The following KLF12 variants were observed in gnomAD, a reference collection of about 807,000 sequenced individuals.
The protein encoded by KLF12 is KLF transcription factor 12, also known as Krueppel-like factor 12.
KLF12 carries 9 observed loss-of-function variants against 37.8 expected under a neutral mutation model. The observed-to-expected ratio is 0.24, with a 90% CI of 0.14 to 0.42. The LOEUF (loss-of-function observed/expected upper bound fraction) is 0.42. KLF12 is among the 10% of genes least tolerant of loss of function. The probability of loss-of-function intolerance (pLI) is 1.00; values close to 1 mark genes in which losing one functional copy is unlikely to be tolerated. For missense variants in KLF12, 411 were observed against 516.0 expected (o/e 0.80, Z 1.97); for synonymous variants, 208 against 202.1 (o/e 1.03, Z -0.25).
intron 3 of KLF12, 41 bp from the exon 4 acceptor site, chr13:73,846,414 T>C (rs758596977): frequency 3.3e-6 from 5 of 1,537,270 alleles, no homozygotes; most frequent in Non-Finnish European, 4.4e-6. Context: ...TCTTTGTTTA[T>C]CACACATTTT....
chr13:73,758,795 CTAGAGA>C (rs894171642), intron 6 of KLF12, among the ~76,000 whole-genome samples: 2 of 151,960 alleles, frequency 1.3e-5, no homozygotes, highest in African/African-American at 4.8e-5. Context: ...TAAAGAAATA[CTAGAGA>C]CAAAATCAGC....
intron 3 of KLF12, among the ~76,000 whole-genome samples, chr13:73,868,597 G>A (rs897740021): frequency 1.3e-5 from 2 of 151,892 alleles, no homozygotes; most frequent in Non-Finnish European, 2.9e-5. Context: ...CACCATATTG[G>A]CCAGGCTGGT....
At chr13:73,787,835 A>G (rs1044096749) in intron 5 of KLF12, among the ~76,000 whole-genome samples, 2 of 152,126 alleles carry the variant, frequency 1.3e-5, no homozygotes, top group African/African-American at 4.8e-5. Flanking sequence ...ATTTTTTTGT[A>G]TTACAAGAGC....
intron 2 of KLF12, among the ~76,000 whole-genome samples, chr13:73,955,972 C>G (rs1046099347): frequency 3.3e-5 from 5 of 152,182 alleles, no homozygotes; most frequent in African/African-American, 1.2e-4. Flanking sequence ...CTTGTCTCTT[C>G]TTGGAATTTC....
At chr13:73,896,497 T>C (rs924192774) in intron 3 of KLF12, among the ~76,000 whole-genome samples, 19 of 152,150 alleles carry the variant, frequency 1.2e-4, no homozygotes, top group Admixed American at 9.8e-4. Context: ...GACTGAGACA[T>C]TACAAAAAGC....
rs9573331 is a variant in KLF12 at position 73,952,577 on chromosome 13, C to T, written c.34-8507G>A. ...AGACACAGAGCCGAGCCATATCAAG[C>T]TTCTTATATGTTATGGTAATTCATT... On this transcript the variant is annotated intron_variant, in intron 2 of 7. Coordinates refer to ENST00000377669, the MANE Select transcript of KLF12 (RefSeq NM_007249.5). Among the ~76,000 whole-genome samples, 337 of 152,274 alleles carry T rather than the reference C, an allele frequency of 2.2e-3. 14 individuals carry two copies. The East Asian group carries it at 0.062, about 28-fold the overall frequency.
At chr13:73,793,115 A>G (rs1881780008) in intron 5 of KLF12, among the ~76,000 whole-genome samples, 1 of 152,244 alleles carries the variant, frequency 6.6e-6, no homozygotes, top group Admixed American at 6.5e-5. Context: ...AAAAAGAGCG[A>G]TAACAGGAAG....
chr13:74,138,029 T>C (rs1366100525), upstream of KLF12, among the ~76,000 whole-genome samples: 1 of 152,242 alleles, frequency 6.6e-6, no homozygotes, highest in Non-Finnish European at 1.5e-5. Context: ...GTGCCGGGAT[T>C]ACAGGCGGGA....
At chr13:74,248,091 A>T in the KLF12 span, among the ~76,000 whole-genome samples, 2 of 152,102 alleles carry the variant, frequency 1.3e-5, no homozygotes, top group South Asian at 2.1e-4. Context: ...GGCTTTTTAT[A>T]TTGGGGAGGA....
chr13:73,877,688 A>T (rs1244732721), intron 3 of KLF12, among the ~76,000 whole-genome samples: 3 of 152,152 alleles, frequency 2.0e-5, no homozygotes, highest in African/African-American at 7.2e-5. Context: ...TGGAAGTAGC[A>T]TTTCTATGAA....
chr13:74,232,733 T>C, the KLF12 span, among the ~76,000 whole-genome samples: 9 of 152,138 alleles, frequency 5.9e-5, no homozygotes, highest in South Asian at 1.7e-3. Context: ...TTGAATAGCT[T>C]TTCTATTTCT....
intron 3 of KLF12, among the ~76,000 whole-genome samples, chr13:73,899,723 G>A (rs1887952763): frequency 6.6e-6 from 1 of 152,060 alleles, no homozygotes; most frequent in African/African-American, 2.4e-5. Flanking sequence ...TCTGAAACTG[G>A]GGCACCCTTC....
chr13:73,839,302 C>T (rs1327788063), intron 4 of KLF12, among the ~76,000 whole-genome samples: 8 of 150,214 alleles, frequency 5.3e-5, no homozygotes, highest in African/African-American at 1.7e-4. Context: ...AAGGTTTCAC[C>T]ATGTTTCCCA....
the KLF12 span, chr13:74,259,446 C>CACTCAGGTGG: frequency 6.6e-6 from 1 of 152,242 alleles, no homozygotes; most frequent in African/African-American, 2.4e-5. Context: ...TTCCATTCTT[C>CACTCAGGTGG]ACTCAGGTGT....
chr13:74,296,163 G>A, the KLF12 span, among the ~76,000 whole-genome samples: 17 of 151,138 alleles, frequency 1.1e-4, no homozygotes, highest in African/African-American at 3.9e-4. Flanking sequence ...TAATTTTCAG[G>A]GCTGGTTTTA....
chr13:74,183,823 G>A, the KLF12 span, among the ~76,000 whole-genome samples: 2 of 152,140 alleles, frequency 1.3e-5, no homozygotes, highest in African/African-American at 2.4e-5. Flanking sequence ...TGTAATCCAA[G>A]CTACTCAGGT....
At position 73,694,165 on chromosome 13, in the gene KLF12, A is replaced by G. The variant is rs1040584660; in HGVS notation, c.*1325T>C. 1 of 152,620 alleles carries G rather than the reference A, an allele frequency of 6.6e-6. No individual in the cohort carries two copies. Among genetic ancestry groups the G allele is most frequent in the Non-Finnish European group, 1.5e-5 (1 of 68,034 alleles). 9.5% of individuals were successfully genotyped at this position (152,620 alleles called of 1,614,324 possible). On this transcript the variant is annotated 3_prime_UTR_variant, in exon 8 of 8. Coordinates refer to ENST00000377669, the MANE Select transcript of KLF12 (RefSeq NM_007249.5). ...AAACTAGCACCATGTCGGGCTTTCT[A>G]TGGGAAGCATTCTCTTTCCACTGAT...
At chr13:73,954,880 A>C (rs1313695078) in intron 2 of KLF12, among the ~76,000 whole-genome samples, 2 of 152,202 alleles carry the variant, frequency 1.3e-5, no homozygotes, top group African/African-American at 2.4e-5. Flanking sequence ...AATGCTGTTA[A>C]ATATCTAATT....
At chr13:74,302,348 G>A in the KLF12 span, among the ~76,000 whole-genome samples, 7 of 152,154 alleles carry the variant, frequency 4.6e-5, no homozygotes, top group Non-Finnish European at 8.8e-5. Context: ...TAATGGATAA[G>A]ATACAGAGTG....
Sources: gnomAD v4.1 joint callset for allele counts (sites outside exome capture counted in the v4.1 genomes callset) on GRCh38, gnomAD v4.1.1 for gene constraint, MANE v1.5 for transcripts, NCBI Gene and HGNC (gene_info 2026-07-23, HGNC 2026-07-21) for gene names.